DLGAP5: variants seen among roughly 807,000 people sequenced by gnomAD.
The protein encoded by DLGAP5 is disks large-associated protein 5.
DLGAP5 carries 90 observed loss-of-function variants against 99.6 expected under a neutral mutation model. The observed-to-expected ratio is 0.90, with a 90% CI of 0.76 to 1.08. The LOEUF is 1.08. Among genes scored for constraint, DLGAP5 ranks in the 50% least tolerant of loss-of-function variants. DLGAP5 has a pLI of 0.00. For missense variants in DLGAP5, 1,036 were observed against 983.5 expected, an observed-to-expected ratio of 1.05 and a Z score of -0.71; for synonymous variants, 311 against 321.3, an observed-to-expected ratio of 0.97 and a Z score of 0.34.
intron 1 of DLGAP5, among the ~76,000 whole-genome samples, chr14:55,190,289 T>TACAC (rs142940996): frequency 0.038 from 5,619 of 147,380 alleles, 195 homozygotes; most frequent in African/African-American, 0.094. Context: ...AGAAAAGCCA[T>TACAC]ACACACACAC....
intron 13 of DLGAP5, among the ~76,000 whole-genome samples, chr14:55,162,623 A>AAG (rs1027985723): frequency 1.3e-5 from 2 of 151,602 alleles, no homozygotes; most frequent in Non-Finnish European, 2.9e-5. Flanking sequence ...CATCTCAAAA[A>AAG]AAAAAAAAGA....
At chr14:55,153,569 T>G (rs1180189589) in intron 15 of DLGAP5, among the ~76,000 whole-genome samples, 1 of 151,710 alleles carries the variant, frequency 6.6e-6, no homozygotes, top group Non-Finnish European at 1.5e-5. Context: ...TATCTCCACT[T>G]CTTTCAAGTT....
intron 10 of DLGAP5, among the ~76,000 whole-genome samples, chr14:55,173,647 G>A (rs146229408): frequency 0.02 from 2,972 of 151,982 alleles, 93 homozygotes; most frequent in African/African-American, 0.067. Flanking sequence ...GACCCCAAAC[G>A]GAGGGACTGG....
intron 18 of DLGAP5, 50 bp from the exon 19 acceptor site, chr14:55,148,523 C>T (rs1229428495): frequency 1.2e-6 from 2 of 1,612,688 alleles, no homozygotes; most frequent in East Asian, 4.5e-5. Context: ...AAGAGTTTCA[C>T]CAATTAATTC....
intron 13 of DLGAP5, among the ~76,000 whole-genome samples, chr14:55,162,303 A>G (rs186386504): frequency 1.2e-3 from 176 of 152,280 alleles, no homozygotes; most frequent in African/African-American, 4.1e-3. Context: ...ATTATAACAA[A>G]ATGTGTAAGT....
chr14:55,161,910 A>G (rs1882456125), intron 13 of DLGAP5, among the ~76,000 whole-genome samples: 1 of 148,810 alleles, frequency 6.7e-6, no homozygotes, highest in South Asian at 2.1e-4. Context: ...AGAATTTTTT[A>G]AAAATAAGGT....
chr14:55,181,153 T>TA (rs1181922805), intron 5 of DLGAP5, 60 bp downstream of exon 5: 16 of 1,491,584 alleles, frequency 1.1e-5, no homozygotes, highest in Admixed American at 1.9e-5. Flanking sequence ...TCAAGACACT[T>TA]AAAAAAAATT....
rs570188288 is a variant in DLGAP5, at chr14:55,164,883, C to T, written c.1549-1808G>A. ...GCTGCAGTGAGCCGAGATCATGCCA[C>T]TGCACTCTAGCCTGGGCGACAGAGT... On this transcript the variant is annotated intron_variant, in intron 12 of 18. Transcript: ENST00000247191. 1.2e-4 allele frequency among the ~76,000 whole-genome samples: 18 copies of T among 147,208 alleles called. No individual in the cohort carries two copies. In the East Asian group the frequency reaches 3.6e-3, roughly 30 times the overall value.
intron 10 of DLGAP5, among the ~76,000 whole-genome samples, chr14:55,174,954 G>T (rs969728434): frequency 2.0e-5 from 3 of 152,180 alleles, no homozygotes; most frequent in African/African-American, 7.2e-5. Flanking sequence ...CTCCCAAAGT[G>T]CTGGGATTAC....
intron 12 of DLGAP5, 46 bp downstream of exon 12, chr14:55,169,353 A>T: frequency 7.5e-7 from 1 of 1,337,844 alleles, no homozygotes; most frequent in Non-Finnish European, 9.8e-7. Context: ...AAAAAAAAAA[A>T]AAAAAAAGCC....
chr14:55,177,529 C>T (rs539977798), intron 7 of DLGAP5, among the ~76,000 whole-genome samples, 193 bp from the exon 8 acceptor site: 7 of 150,828 alleles, frequency 4.6e-5, no homozygotes, highest in Non-Finnish European at 1.0e-4. Flanking sequence ...TGCTATTACC[C>T]GGGAATAGAA....
chr14:55,155,471 C>T (rs769354587), intron 14 of DLGAP5, among the ~76,000 whole-genome samples: 19 of 150,624 alleles, frequency 1.3e-4, no homozygotes, highest in Non-Finnish European at 2.4e-4. Flanking sequence ...CTCAGCCTCC[C>T]GAGTAGCTGG....
rs764627897 is a variant in DLGAP5, at chr14:55,182,364, C to T, written c.495+6G>A. ...TTTAGTAACAATTATCTACTATCAA[C>T]TATACCTTAGTCTGCTCCATTTGGT... On this transcript the variant is annotated splice_donor_region_variant and intron_variant, in intron 4 of 18. Transcript: ENST00000247191. 3 of 1,607,052 alleles carry T rather than the reference C, an allele frequency of 1.9e-6. No homozygotes were observed. The highest frequency in any genetic ancestry group is 3.4e-5 in the Admixed American group (2 of 58,490).
chr14:55,178,024 G>A (rs1393513120), intron 7 of DLGAP5, among the ~76,000 whole-genome samples: 1 of 150,826 alleles, frequency 6.6e-6, no homozygotes, highest in Non-Finnish European at 1.5e-5. Context: ...AGGCTGAGGC[G>A]GGCGGATCAC....
At chr14:55,158,496 A>C (rs778975358) in intron 14 of DLGAP5, 26 bp downstream of exon 14, 1 of 1,596,700 alleles carries the variant, frequency 6.3e-7, no homozygotes, top group Non-Finnish European at 8.5e-7. Context: ...AAAAACAAAA[A>C]AAATAAAAAA....
intron 10 of DLGAP5, among the ~76,000 whole-genome samples, chr14:55,174,468 C>T (rs1338841059): frequency 6.6e-6 from 1 of 152,150 alleles, no homozygotes; most frequent in African/African-American, 2.4e-5. Context: ...CACCTATTCG[C>T]ACACTCCCTC....
chr14:55,158,508 C>A lies in DLGAP5; in HGVS notation c.1873+14G>T, dbSNP rs200878291. ...AGGAAAAACAAAAAAAATAAAAAATCAAAAACAACTAACCTGAGAATAATT... is the reference window on the plus strand; with the variant it reads ...AGGAAAAACAAAAAAAATAAAAAATAAAAAACAACTAACCTGAGAATAATT... On this transcript the variant is annotated intron_variant, in intron 14 of 18. Transcript: ENST00000247191. 71 of 1,599,902 alleles carry A rather than the reference C, an allele frequency of 4.4e-5. No individual in the cohort carries two copies. Among genetic ancestry groups the A allele is most frequent in the Middle Eastern group, 1.7e-4 (1 of 5,894 alleles).
chr14:55,181,881 T>C (rs1205548074), intron 4 of DLGAP5, among the ~76,000 whole-genome samples: 1 of 152,168 alleles, frequency 6.6e-6, no homozygotes, highest in African/African-American at 2.4e-5. Flanking sequence ...GTTTATTATA[T>C]CCAAAAGCCT....
chr14:55,172,074 G>A (rs373000379), intron 10 of DLGAP5, among the ~76,000 whole-genome samples: 2 of 151,844 alleles, frequency 1.3e-5, no homozygotes, highest in Admixed American at 1.3e-4. Flanking sequence ...AGTTGGCCAG[G>A]CTACTAGTCC....
Sources: allele counts gnomAD v4.1 joint callset (sites outside exome capture counted in the v4.1 genomes callset), GRCh38; gene constraint gnomAD v4.1.1; transcripts MANE v1.5; gene names NCBI Gene and HGNC (gene_info 2026-07-23, HGNC 2026-07-21).